The following MIDEAS variants were observed in gnomAD, a reference collection of about 807,000 sequenced individuals.
The protein encoded by MIDEAS is mitotic deacetylase associated SANT domain protein.
In MIDEAS, 26 loss-of-function variants were observed where a neutral mutation model predicts 102.7. The ratio of observed to expected loss-of-function variants is 0.25; its 90% CI spans 0.19 to 0.35. The LOEUF (loss-of-function observed/expected upper bound fraction) is 0.35, where lower values mean the gene tolerates loss of function less well. Ranked by LOEUF, MIDEAS falls within the 10% of genes least tolerant of loss-of-function variation. The pLI is 1.00. For synonymous variants in MIDEAS, 585 were observed against 591.0 expected (o/e 0.99, Z 0.15); for missense variants, 1,231 against 1,435.6 (o/e 0.86, Z 2.30).
upstream of MIDEAS, chr14:73,789,193 T>C (rs1178422543): frequency 6.6e-6 from 1 of 151,938 alleles, no homozygotes; most frequent in Non-Finnish European, 1.5e-5. Context: ...AAATAGAATA[T>C]GGCCAGTGAT....
chr14:73,780,430 G>A (rs771772016), intron 1 of MIDEAS, among the ~76,000 whole-genome samples: 25 of 152,228 alleles, frequency 1.6e-4, no homozygotes, highest in Non-Finnish European at 3.1e-4. Flanking sequence ...GGCCATAGCC[G>A]TAACAGTAGT....
In MIDEAS at chr14:73,745,883, T is replaced by A. The variant is rs141557042; in HGVS notation, c.-247-5628A>T. Among the ~76,000 whole-genome samples, 24 of 152,336 alleles carry A rather than the reference T, an allele frequency of 1.6e-4. No homozygotes were observed. The East Asian group carries it at 4.4e-3, about 28-fold the overall frequency. The stretch of plus-strand genomic sequence containing the variant: ...ATGAGAGAGCAGGCAAGAGGCCCTA[T>A]GGTCGGCCCATTCCCAATCCAGACA... On this transcript the variant is annotated intron_variant, in intron 1 of 12. Coordinates refer to ENST00000423556, the MANE Select transcript of MIDEAS (RefSeq NM_001367710.1).
At chr14:73,786,926 C>G (rs374587979) in intron 1 of MIDEAS, among the ~76,000 whole-genome samples, 26 of 152,092 alleles carry the variant, frequency 1.7e-4, no homozygotes, top group African/African-American at 5.5e-4. Flanking sequence ...CCGGCGCAGC[C>G]CGGCGCCCCG....
At chr14:73,738,067 A>G (rs1030968054) in intron 2 of MIDEAS, among the ~76,000 whole-genome samples, 1 of 152,116 alleles carries the variant, frequency 6.6e-6, no homozygotes, top group Non-Finnish European at 1.5e-5. Context: ...TATAGGCATA[A>G]GCCACTGCGC....
intron 1 of MIDEAS, among the ~76,000 whole-genome samples, chr14:73,769,807 G>A (rs577055859): frequency 6.6e-6 from 1 of 151,702 alleles, no homozygotes; most frequent in Non-Finnish European, 1.5e-5. Flanking sequence ...TCACCATATT[G>A]GCCAGGCTGG....
In MIDEAS at chr14:73,738,745, C is replaced by G. The variant is rs560612881; in HGVS notation, c.1264G>C (p.Glu422Gln). 2 of 1,611,402 alleles carry G rather than the reference C, an allele frequency of 1.2e-6. No individual in the cohort carries two copies. The highest frequency in any genetic ancestry group is 2.2e-5 in the South Asian group (2 of 90,794). The change falls in exon 2 of 13, where the codon GAG becomes CAG. Residue 422 changes from glutamate (E) to glutamine (Q), a missense_variant. Physicochemically the swap from Glu to Gln is conservative, Grantham distance 29. Coordinates refer to ENST00000423556, the MANE Select transcript of MIDEAS (RefSeq NM_001367710.1). Reference sequence around the variant, plus strand: ...CTGCCCATGGCAGGAGCCTCTCGCTCCCGGCCATTGGGTGCTAGTCTCTCC... The same window carrying G: ...CTGCCCATGGCAGGAGCCTCTCGCTGCCGGCCATTGGGTGCTAGTCTCTCC... Reference protein sequence around the residue: ...DGERLAPNGREREAPAMGSEE... With the variant: ...DGERLAPNGRQREAPAMGSEE...
Position 73,726,893 on chromosome 14 carries a change from T to C in MIDEAS, c.2242A>G (p.Lys748Glu). The change falls in exon 6 of 13, where the codon AAG becomes GAG. Residue 748 changes from lysine (K) to glutamate (E), a missense_variant. Coordinates refer to ENST00000423556, the MANE Select transcript of MIDEAS (RefSeq NM_001367710.1). ...DRALAAADPH[K>E]ADLVWQPWED... is the part of the protein sequence containing the mutation. ...CATGGCTGCCACACCAAGTCAGCCT[T>C]GTGGGGATCTGCAGCTGCCAGGGCA... is the stretch of plus-strand genomic sequence containing the variant. 1 of 1,613,922 alleles carries C rather than the reference T, an allele frequency of 6.2e-7. No individual in the cohort carries two copies. The highest frequency in any genetic ancestry group is 1.1e-5 in the South Asian group (1 of 91,050).
At chr14:73,752,533 C>G (rs2053433187) in intron 1 of MIDEAS, among the ~76,000 whole-genome samples, 1 of 152,046 alleles carries the variant, frequency 6.6e-6, no homozygotes, top group Non-Finnish European at 1.5e-5. Context: ...AGAACGGGGG[C>G]AATATGGCTC....
At position 73,727,508 on chromosome 14, in the gene MIDEAS, G is replaced by A. The variant is rs768514814; in HGVS notation, c.2112C>T (p.Thr704=). Residue 704 remains threonine, a synonymous_variant, in exon 5 of 13, where the codon ACC becomes ACT. Coordinates refer to ENST00000423556, the MANE Select transcript of MIDEAS (RefSeq NM_001367710.1). The stretch of plus-strand genomic sequence containing the variant: ...CCCCCATCACAGAGAGGACAGGCGG[G>A]GTTACTTCAGCACTGTCTATGGGAC... ...TLLRTNSAEV[T]PPVLSVMGEA... 6.2e-7 allele frequency: 1 copy of A among 1,612,626 alleles called. No individual in the cohort carries two copies. The highest frequency in any genetic ancestry group is 1.1e-5 in the South Asian group (1 of 90,888).
chr14:73,740,416 C>T (rs2053268465), intron 1 of MIDEAS, among the ~76,000 whole-genome samples, 161 bp from the exon 2 acceptor site: 1 of 152,176 alleles, frequency 6.6e-6, no homozygotes, highest in South Asian at 2.1e-4. Context: ...GAGGCAGGAG[C>T]CAGGACTTTT....
chr14:73,729,653 C>A lies in MIDEAS; in HGVS notation c.2082G>T (p.Thr694=). The part of the protein sequence containing the change: ...PPITPKSAHR[T]LLRTNSAEVT... ...GAGGTCACTCACTAGTCCGGAGCAG[C>A]GTGCGATGGGCACTCTTAGGCGTGA... is the stretch of plus-strand genomic sequence containing the variant. Residue 694 remains threonine (T), a synonymous_variant, in exon 4 of 13, where the codon ACG becomes ACT. Transcript: ENST00000423556. The A allele has an allele frequency of 1.2e-6, 2 of 1,608,628 alleles. No homozygotes were observed. Among genetic ancestry groups the A allele is most frequent in the Non-Finnish European group, 1.7e-6 (2 of 1,176,640 alleles).
chr14:73,758,850 G>C (rs991728138), intron 1 of MIDEAS: 1 of 154,448 alleles, frequency 6.5e-6, no homozygotes, highest in Admixed American at 6.5e-5. Flanking sequence ...CAGGGCACAC[G>C]AAGTTCCCCT....
At chr14:73,733,450 G>C (rs764399420) in intron 3 of MIDEAS, among the ~76,000 whole-genome samples, 3 of 151,672 alleles carry the variant, frequency 2.0e-5, no homozygotes, top group African/African-American at 7.3e-5. Flanking sequence ...ATTAGCTGGC[G>C]TGGTGGCCTG....
At chr14:73,731,717 C>G (rs190973077) in intron 3 of MIDEAS, among the ~76,000 whole-genome samples, 1 of 152,278 alleles carries the variant, frequency 6.6e-6, no homozygotes, top group South Asian at 2.1e-4. Context: ...TGGAATGACA[C>G]GATGTCTCAG....
intron 1 of MIDEAS, among the ~76,000 whole-genome samples, chr14:73,775,320 A>C (rs776276968): frequency 1.2e-4 from 18 of 152,034 alleles, no homozygotes; most frequent in Non-Finnish European, 2.5e-4. Flanking sequence ...CTCAAAGATT[A>C]AGAGGGGGTG....
In MIDEAS at chr14:73,726,102, G is replaced by A. The variant is rs1248551006; in HGVS notation, c.2416C>T (p.Leu806=). The change falls in exon 8 of 13, where the codon CTG becomes TTG. Residue 806 remains leucine, a synonymous_variant. Coordinates refer to ENST00000423556, the MANE Select transcript of MIDEAS (RefSeq NM_001367710.1). The part of the protein sequence containing the change: ...HESRGDILET[L]NKLLLKKPLR... ...GGCTTCTTCAGCAGCAGCTTATTCA[G>A]CGTTTCCTGGAGGGGAAGTGAGGGA... is the stretch of plus-strand genomic sequence containing the variant. The A allele has an allele frequency of 1.3e-6, 2 of 1,590,690 alleles. No homozygotes were observed. The highest frequency in any genetic ancestry group is 1.7e-6 in the Non-Finnish European group (2 of 1,169,164).
Position 73,717,228 on chromosome 14 carries a change from T to C in MIDEAS, c.*1615A>G, listed in dbSNP as rs2052905319. Reference sequence around the variant, plus strand: ...TACTTTCTGGCTCCTTCCTAATACGTTGACCTGTCATACGCGCATTCACTT... The same window carrying C: ...TACTTTCTGGCTCCTTCCTAATACGCTGACCTGTCATACGCGCATTCACTT... On this transcript the variant is annotated 3_prime_UTR_variant, in exon 13 of 13. Transcript: ENST00000423556. The C allele has an allele frequency of 6.6e-6, 1 of 152,242 alleles. No homozygotes were observed. Among genetic ancestry groups the C allele is most frequent in the Non-Finnish European group, 1.5e-5 (1 of 68,052 alleles). 9.4% of individuals were successfully genotyped at this position (152,242 alleles called of 1,614,324 possible). A position where few individuals can be genotyped will look rare whatever the true frequency, so the allele number is the denominator to read the frequency against.
At chr14:73,786,031 C>A (rs2053804346) in intron 1 of MIDEAS, among the ~76,000 whole-genome samples, 1 of 152,348 alleles carries the variant, frequency 6.6e-6, no homozygotes, top group African/African-American at 2.4e-5. Flanking sequence ...CAATGCCTGA[C>A]TGTGCAATCA....
In MIDEAS at chr14:73,759,578, C is replaced by G. The variant is rs1385922439; in HGVS notation, c.-248+185G>C. Among the ~76,000 whole-genome samples the G allele has an allele frequency of 6.0e-5, 9 of 148,836 alleles. No individual in the cohort carries two copies. Among genetic ancestry groups the G allele is most frequent in the South Asian group, 2.1e-4 (1 of 4,834 alleles). ...GGCGGCCCCCGCACGGCCACACGCG[C>G]CCGCTCCACCGCCGCCCAGGCCGCA... On this transcript the variant is annotated intron_variant, in intron 1 of 12. Transcript: ENST00000423556. The surrounding 1 kb of genome is among the most constrained non-coding windows in gnomAD (Gnocchi z 6.7).
Sources: allele counts gnomAD v4.1 joint callset (sites outside exome capture counted in the v4.1 genomes callset), GRCh38; gene constraint gnomAD v4.1.1; non-coding constraint Gnocchi (gnomAD v3.1); transcripts MANE v1.5; gene names NCBI Gene and HGNC (gene_info 2026-07-23, HGNC 2026-07-21).